The following CDH6 variants were observed in gnomAD, a reference collection of about 807,000 sequenced individuals.
The protein encoded by CDH6 is cadherin-6.
A neutral mutation model predicts 78.0 loss-of-function variants in CDH6; 31 were observed. The observed-to-expected ratio is 0.40, with a 90% CI of 0.30 to 0.54. The LOEUF is 0.54. Ranked by LOEUF, CDH6 falls within the 20% of genes least tolerant of loss-of-function variation. CDH6 has a pLI of 0.56. For missense variants in CDH6, 724 were observed against 975.9 expected (o/e 0.74, Z 3.44); for synonymous variants, 376 against 368.8 (o/e 1.02, Z -0.23).
At chr5:31,242,127 T>A (rs1201180922) in intron 1 of CDH6, among the ~76,000 whole-genome samples, 2 of 152,182 alleles carry the variant, frequency 1.3e-5, no homozygotes, top group East Asian at 3.9e-4. Context: ...AATGGACCCA[T>A]TGTTATGTCC....
At chr5:31,223,220 C>T (rs1353602300) in intron 1 of CDH6, among the ~76,000 whole-genome samples, 3 of 152,082 alleles carry the variant, frequency 2.0e-5, no homozygotes, top group South Asian at 2.1e-4. Flanking sequence ...AAAAGTGAAC[C>T]GCATTTTAAG....
chr5:31,315,030 C>T (rs1046530820), intron 8 of CDH6, among the ~76,000 whole-genome samples: 2 of 152,146 alleles, frequency 1.3e-5, no homozygotes, highest in African/African-American at 2.4e-5. Flanking sequence ...CCACTCACCT[C>T]GGGGCCTTTG....
At chr5:31,281,298 A>C (rs1742856385) in intron 2 of CDH6, among the ~76,000 whole-genome samples, 1 of 148,886 alleles carries the variant, frequency 6.7e-6, no homozygotes, top group South Asian at 2.2e-4. Context: ...TGTGTCAAAG[A>C]GAAAGAGAGA....
intron 5 of CDH6, among the ~76,000 whole-genome samples, 158 bp from the exon 6 acceptor site, chr5:31,301,953 G>C (rs916487009): frequency 1.3e-5 from 2 of 152,192 alleles, no homozygotes; most frequent in Non-Finnish European, 2.9e-5. Flanking sequence ...CACGAAAGTA[G>C]ACATAAGAAG....
chr5:31,316,292 A>G lies in CDH6; in HGVS notation c.1475A>G (p.Tyr492Cys), dbSNP rs765207601. 3.1e-6 allele frequency: 5 copies of G among 1,613,718 alleles called. No homozygotes were observed. The highest frequency in any genetic ancestry group is 3.4e-6 in the Non-Finnish European group (4 of 1,179,742). The part of the protein sequence containing the change: ...NDNAPEFAEF[Y>C]ETFVCEKAKA... ...AACGCCCCAGAATTTGCTGAGTTCT[A>G]TGAAACTTTTGTCTGTGAAAAAGCA... The change falls in exon 9 of 12, where the codon TAT (tyrosine) becomes TGT (cysteine). Residue 492 changes from tyrosine to cysteine, a missense_variant. Physicochemically the swap from Tyr to Cys is radical, Grantham distance 194. Around this residue, in one of 3 missense-constraint regions of CDH6, gnomAD observed 446 missense variants for 684.5 expected, o/e 0.65. Transcript: ENST00000265071.
At chr5:31,198,737 C>G (rs1002916340) in intron 1 of CDH6, among the ~76,000 whole-genome samples, 3 of 152,034 alleles carry the variant, frequency 2.0e-5, no homozygotes, top group African/African-American at 7.2e-5. Context: ...ATCAAAATTG[C>G]CATTTTTACA....
chr5:31,281,907 TCA>T, intron 2 of CDH6, among the ~76,000 whole-genome samples: 1 of 152,260 alleles, frequency 6.6e-6, no homozygotes, highest in East Asian at 1.9e-4. Context: ...CTCTCTGGCC[TCA>T]GTTTCCTAAT....
intron 2 of CDH6, among the ~76,000 whole-genome samples, chr5:31,289,964 T>G (rs1011775203): frequency 6.6e-6 from 1 of 151,082 alleles, no homozygotes; most frequent in Non-Finnish European, 1.5e-5. Flanking sequence ...AGATGCTGTA[T>G]TAAAAAAAAA....
At chr5:31,320,694 C>A (rs1236179414) in intron 11 of CDH6, among the ~76,000 whole-genome samples, 1 of 152,070 alleles carries the variant, frequency 6.6e-6, no homozygotes, top group Non-Finnish European at 1.5e-5. Context: ...CAAAACTGTG[C>A]TGGCTGGGCA....
intron 7 of CDH6, among the ~76,000 whole-genome samples, chr5:31,311,103 C>T (rs1402824956): frequency 6.6e-6 from 1 of 152,210 alleles, no homozygotes; most frequent in Non-Finnish European, 1.5e-5. Flanking sequence ...ATATAAGTTC[C>T]AGTTTCACAT....
chr5:31,279,508 C>A (rs371067323), intron 2 of CDH6, among the ~76,000 whole-genome samples: 41 of 152,206 alleles, frequency 2.7e-4, no homozygotes, highest in Non-Finnish European at 4.4e-4. Flanking sequence ...GAGGTCAAGA[C>A]TGCAGTGAGC....
chr5:31,231,379 G>C (rs561163819), intron 1 of CDH6, among the ~76,000 whole-genome samples: 2 of 152,262 alleles, frequency 1.3e-5, no homozygotes, highest in East Asian at 3.9e-4. Flanking sequence ...GAATTCCCAT[G>C]AATCATATTT....
In CDH6 at chr5:31,328,097, C is replaced by T. The variant is rs1018666113; in HGVS notation, c.*4789C>T. The T allele has an allele frequency of 5.1e-4, 105 of 205,116 alleles. No individual in the cohort carries two copies. The highest frequency in any genetic ancestry group is 2.4e-3 in the African/African-American group (103 of 43,374). The allele number at this position is 205,116 out of a possible 1,614,324, so 12.7% of individuals were successfully genotyped here. Reference sequence around the variant, plus strand: ...AGGCTCTTACCCGCTGTATTTCAGACAGGACTGAGGCACTTAGCCGAGGAG... The same window carrying T: ...AGGCTCTTACCCGCTGTATTTCAGATAGGACTGAGGCACTTAGCCGAGGAG... On this transcript the variant is annotated 3_prime_UTR_variant, in exon 12 of 12. Coordinates refer to ENST00000265071, the MANE Select transcript of CDH6 (RefSeq NM_004932.4).
intron 1 of CDH6, among the ~76,000 whole-genome samples, chr5:31,255,023 A>T (rs1742018530): frequency 6.6e-6 from 1 of 152,242 alleles, no homozygotes; most frequent in Non-Finnish European, 1.5e-5. Flanking sequence ...ATTAAAAAAT[A>T]TTTTTCTGTA....
intron 1 of CDH6, among the ~76,000 whole-genome samples, chr5:31,253,946 C>T (rs935184457): frequency 6.6e-6 from 1 of 152,066 alleles, no homozygotes; most frequent in Non-Finnish European, 1.5e-5. Context: ...TGAGGTTTCT[C>T]TTTCCATGGC....
chr5:31,258,818 T>C (rs1290085859), intron 1 of CDH6, among the ~76,000 whole-genome samples: 4 of 152,102 alleles, frequency 2.6e-5, no homozygotes, highest in Non-Finnish European at 5.9e-5. Context: ...TTTAGGGAAT[T>C]CATGAAGACT....
At chr5:31,253,079 A>G (rs1741952576) in intron 1 of CDH6, among the ~76,000 whole-genome samples, 1 of 152,228 alleles carries the variant, frequency 6.6e-6, no homozygotes, top group African/African-American at 2.4e-5. Context: ...GCACCAGCAA[A>G]TTCAGTGCCC....
intron 1 of CDH6, among the ~76,000 whole-genome samples, chr5:31,243,403 G>C (rs1246616079): frequency 6.6e-6 from 1 of 152,174 alleles, no homozygotes; most frequent in Non-Finnish European, 1.5e-5. Context: ...AAGCACAGGG[G>C]GTGGTTGGGG....
chr5:31,318,826 C>T, intron 11 of CDH6: 1 of 225,942 alleles, frequency 4.4e-6, no homozygotes, highest in East Asian at 6.4e-5. Flanking sequence ...GACAGAGTGA[C>T]TTTGAGAAGA....
Sources: gnomAD v4.1 joint callset for allele counts (sites outside exome capture counted in the v4.1 genomes callset) on GRCh38, gnomAD v4.1.1 for gene constraint, gnomAD v4.1.1 regional missense constraint, MANE v1.5 for transcripts, NCBI Gene and HGNC (gene_info 2026-07-23, HGNC 2026-07-21) for gene names.